The following CORIN variants were observed in gnomAD, a reference collection of about 807,000 sequenced individuals.
The protein encoded by CORIN is atrial natriuretic peptide-converting enzyme.
Under a neutral mutation model 125.3 loss-of-function variants are expected in CORIN, and 117 were observed. That is an observed-to-expected ratio of 0.93 (90% CI 0.80 to 1.09). The LOEUF (loss-of-function observed/expected upper bound fraction) is 1.09, where lower values mean the gene tolerates loss of function less well. Ranked by LOEUF, CORIN falls within the 50% of genes least tolerant of loss-of-function variation. The pLI is 0.00. For synonymous variants in CORIN, 450 were observed against 466.4 expected (o/e 0.96, Z 0.45); for missense variants, 1,253 against 1,306.7 (o/e 0.96, Z 0.63).
intron 6 of CORIN, among the ~76,000 whole-genome samples, chr4:47,684,843 A>C (rs551215735): frequency 6.6e-6 from 1 of 152,208 alleles, no homozygotes; most frequent in East Asian, 1.9e-4. Flanking sequence ...AGTCTTCATG[A>C]AAGACATAAA....
intron 19 of CORIN, among the ~76,000 whole-genome samples, chr4:47,614,760 C>A (rs1273860601): frequency 6.6e-6 from 1 of 152,030 alleles, no homozygotes; most frequent in African/African-American, 2.4e-5. Context: ...GCTGACTTGT[C>A]AACTAACAAG....
At chr4:47,635,976 A>G (rs1051627438) in intron 16 of CORIN, among the ~76,000 whole-genome samples, 4 of 152,224 alleles carry the variant, frequency 2.6e-5, no homozygotes, top group Non-Finnish European at 4.4e-5. Flanking sequence ...ATCCATTCAT[A>G]TCATGTCCAA....
chr4:47,608,936 T>C (rs957802234), intron 19 of CORIN, among the ~76,000 whole-genome samples: 17 of 152,220 alleles, frequency 1.1e-4, no homozygotes, highest in Non-Finnish European at 2.5e-4. Flanking sequence ...CTTTATCTTT[T>C]CTTAGGAGTG....
chr4:47,633,615 T>C (rs1722920744), intron 16 of CORIN, among the ~76,000 whole-genome samples: 2 of 152,226 alleles, frequency 1.3e-5, no homozygotes, highest in African/African-American at 4.8e-5. Context: ...ATCTCCTTTT[T>C]TCGAGAACTT....
At chr4:47,820,139 A>C (rs16860661) in intron 1 of CORIN, among the ~76,000 whole-genome samples, 4,622 of 152,256 alleles carry the variant, frequency 0.03, 251 homozygotes, top group African/African-American at 0.11. Context: ...TGTTCATGCC[A>C]GTTTAAATAC....
In CORIN at chr4:47,828,220, G is replaced by A. The variant is rs186644677; in HGVS notation, c.63+9667C>T. On this transcript the variant is annotated intron_variant, in intron 1 of 21. Coordinates refer to ENST00000273857, the MANE Select transcript of CORIN (RefSeq NM_006587.4). ...TTAAATCCCTTGGAATATCCTGAGT[G>A]ATAAGAGTGATAAGAGCACCTTTTG... Among the ~76,000 whole-genome samples, 11 of 152,230 alleles carry A rather than the reference G, an allele frequency of 7.2e-5. No individual in the cohort carries two copies. The East Asian group carries it at 1.9e-3, about 27-fold the overall frequency.
rs1423353606 is a variant in CORIN, at chr4:47,595,304, C to T, written c.*417G>A. The stretch of plus-strand genomic sequence containing the variant: ...TAACACTGAAATTTACCACTATGCA[C>T]TGAGCTTGAGAAACAAAAACTGGTA... On this transcript the variant is annotated 3_prime_UTR_variant, in exon 22 of 22. Coordinates refer to ENST00000273857, the MANE Select transcript of CORIN (RefSeq NM_006587.4). The T allele has an allele frequency of 6.5e-6, 1 of 153,280 alleles. No individual in the cohort carries two copies. Among genetic ancestry groups the T allele is most frequent in the Non-Finnish European group, 1.5e-5 (1 of 68,786 alleles). The allele number at this position is 153,280 out of a possible 1,614,324, so 9.5% of individuals were successfully genotyped here.
chr4:47,595,794 A>G lies in CORIN; in HGVS notation c.3056T>C (p.Val1019Ala). The G allele has an allele frequency of 6.2e-7, 1 of 1,613,618 alleles. No homozygotes were observed. Among genetic ancestry groups the G allele is most frequent in the Non-Finnish European group, 8.5e-7 (1 of 1,179,752 alleles). The stretch of plus-strand genomic sequence containing the variant: ...GACGAAATATGACACATTACTATAA[A>G]CGCCAGGCCCCAGGACTTTGGAAAA... ...VCFSKVLGPGVYSNVSYFVEW... is the reference protein window; with the variant it reads ...VCFSKVLGPGAYSNVSYFVEW... Residue 1019 changes from valine (V) to alanine (A), a missense_variant, in exon 22 of 22, where the codon GTT (valine) becomes GCT (alanine). Coordinates refer to ENST00000273857, the MANE Select transcript of CORIN (RefSeq NM_006587.4).
chr4:47,696,997 C>A (rs1336333412), intron 5 of CORIN, among the ~76,000 whole-genome samples: 1 of 152,180 alleles, frequency 6.6e-6, no homozygotes, highest in Non-Finnish European at 1.5e-5. Context: ...AGTTTCAACT[C>A]CACCTCGGAA....
At chr4:47,705,849 C>G (rs1022041925) in intron 5 of CORIN, among the ~76,000 whole-genome samples, 1 of 151,952 alleles carries the variant, frequency 6.6e-6, no homozygotes, top group East Asian at 1.9e-4. Flanking sequence ...AAGTGCCCCC[C>G]GTGTGTAACA....
chr4:47,661,469 AC>A, intron 12 of CORIN: 1 of 444,656 alleles, frequency 2.2e-6, no homozygotes, highest in Non-Finnish European at 4.0e-6. Flanking sequence ...CTATGTACCC[AC>A]AAAAATAAAA....
chr4:47,727,184 T>C (rs1727628518), intron 5 of CORIN, among the ~76,000 whole-genome samples: 1 of 152,060 alleles, frequency 6.6e-6, no homozygotes, highest in Non-Finnish European at 1.5e-5. Context: ...AAATCATTAC[T>C]ATTTGCTTTT....
At chr4:47,664,132 C>G (rs1437327723) in intron 11 of CORIN, among the ~76,000 whole-genome samples, 1 of 152,160 alleles carries the variant, frequency 6.6e-6, no homozygotes, top group Non-Finnish European at 1.5e-5. Context: ...TGTATACCTA[C>G]CCCTTGAGGG....
intron 1 of CORIN, among the ~76,000 whole-genome samples, chr4:47,811,977 A>G (rs1475224017): frequency 6.6e-6 from 1 of 152,198 alleles, no homozygotes; most frequent in Non-Finnish European, 1.5e-5. Context: ...ATATCTGCAT[A>G]TATGTGTATT....
chr4:47,602,423 A>AT (rs1471988303), intron 20 of CORIN, among the ~76,000 whole-genome samples: 4 of 152,352 alleles, frequency 2.6e-5, no homozygotes, highest in African/African-American at 9.6e-5. Context: ...GAGCCAAACT[A>AT]TTTTAATCAA....
chr4:47,720,662 G>A (rs1378675908), intron 5 of CORIN, among the ~76,000 whole-genome samples: 3 of 152,088 alleles, frequency 2.0e-5, no homozygotes, highest in South Asian at 2.1e-4. Flanking sequence ...CCCTTCTTTC[G>A]TGGGCTGAAT....
rs1315692264 is a variant in CORIN at position 47,600,198 on chromosome 4, C to A, written c.2946+16G>T. ...TTGTTGAACTGAATCTCCTTGGTAA[C>A]CAGAAAGCAACTTACCATGCATGAA... On this transcript the variant is annotated intron_variant, in intron 21 of 21. Coordinates refer to ENST00000273857, the MANE Select transcript of CORIN (RefSeq NM_006587.4). The A allele has an allele frequency of 1.9e-6, 3 of 1,598,734 alleles. No individual in the cohort carries two copies. Among genetic ancestry groups the A allele is most frequent in the African/African-American group, 2.7e-5 (2 of 74,636 alleles).
chr4:47,828,786 CG>C (rs1417163089), intron 1 of CORIN, among the ~76,000 whole-genome samples: 1 of 151,864 alleles, frequency 6.6e-6, no homozygotes, highest in Non-Finnish European at 1.5e-5. Context: ...TGCTACATGT[CG>C]TTATTGAGCA....
At chr4:47,693,203 C>T (rs180804204) in intron 5 of CORIN, 120 bp from the exon 6 acceptor site, 1 of 692,008 alleles carries the variant, frequency 1.4e-6, no homozygotes, top group Admixed American at 2.8e-5. Context: ...TTTCCAAATT[C>T]CCTCAGTTTT....
Sources: gnomAD v4.1 joint callset for allele counts (sites outside exome capture counted in the v4.1 genomes callset) on GRCh38, gnomAD v4.1.1 for gene constraint, MANE v1.5 for transcripts, NCBI Gene and HGNC (gene_info 2026-07-23, HGNC 2026-07-21) for gene names.